CXCL13: variants seen among roughly 807,000 people sequenced by gnomAD.
CXCL13 encodes the protein C-X-C motif chemokine 13.
Under a neutral mutation model 12.2 loss-of-function variants are expected in CXCL13, and 7 were observed. That is an observed-to-expected ratio of 0.57 (90% confidence interval 0.33 to 1.07). The LOEUF (loss-of-function observed/expected upper bound fraction) is 1.07, where lower values mean the gene tolerates loss of function less well. CXCL13 is among the 50% of genes least tolerant of loss of function. The pLI, the probability that CXCL13 is intolerant of heterozygous loss-of-function variation, is 0.04. For missense variants in CXCL13, 113 were observed against 127.4 expected, an observed-to-expected ratio of 0.89 and a Z score of 0.55; for synonymous variants, 47 against 42.4, an observed-to-expected ratio of 1.11 and a Z score of -0.42.
chr4:77,544,848 T>C (rs949443743), intron 1 of CXCL13, among the ~76,000 whole-genome samples: 2 of 152,214 alleles, frequency 1.3e-5, no homozygotes, highest in African/African-American at 4.8e-5. Context: ...TGGTATTGCC[T>C]AGGTTTTCTT....
intron 1 of CXCL13, among the ~76,000 whole-genome samples, chr4:77,577,959 T>C (rs1726233950): frequency 6.6e-6 from 1 of 152,176 alleles, no homozygotes; most frequent in African/African-American, 2.4e-5. Flanking sequence ...TAGGTAATCA[T>C]GTCTCCATAC....
chr4:77,535,718 A>G (rs1273437502), intron 1 of CXCL13, among the ~76,000 whole-genome samples: 1 of 152,196 alleles, frequency 6.6e-6, no homozygotes, highest in Non-Finnish European at 1.5e-5. Context: ...GGCTAGCCAT[A>G]GATGTTTTGA....
intron 1 of CXCL13, among the ~76,000 whole-genome samples, chr4:77,583,176 A>G (rs912631062): frequency 1.4e-4 from 21 of 152,294 alleles, no homozygotes; most frequent in African/African-American, 4.1e-4. Context: ...GAAAGCTTCT[A>G]CTTTAATCCC....
At chr4:77,562,938 C>T (rs545881851) in intron 1 of CXCL13, among the ~76,000 whole-genome samples, 1 of 152,292 alleles carries the variant, frequency 6.6e-6, no homozygotes, top group East Asian at 1.9e-4. Context: ...TAAAAGCAGG[C>T]TGCCAGAGCC....
rs1388245686 is a variant in CXCL13, at chr4:77,582,407, G to A, written c.-42-23417G>A. Among the ~76,000 whole-genome samples the A allele has an allele frequency of 2.0e-5, 3 of 152,224 alleles. No individual in the cohort carries two copies. In the East Asian group the frequency reaches 5.8e-4, roughly 29 times the overall value. ...GTGACCTAGATCGGGTAGGCAGTGG[G>A]ATCAGGGGAGACATTCCTGGGGAAT... On this transcript the variant is annotated intron_variant, in intron 1 of 4. Transcript: ENST00000286758.
chr4:77,541,795 A>G (rs1247668414), intron 1 of CXCL13, among the ~76,000 whole-genome samples: 1 of 152,156 alleles, frequency 6.6e-6, no homozygotes, highest in Non-Finnish European at 1.5e-5. Context: ...GAATCTGTAC[A>G]TTGCTTTGTG....
intron 1 of CXCL13, among the ~76,000 whole-genome samples, chr4:77,569,377 G>A (rs1384223339): frequency 6.6e-6 from 1 of 152,144 alleles, no homozygotes; most frequent in Non-Finnish European, 1.5e-5. Context: ...CATAATCTCA[G>A]CCCAAAAGCT....
chr4:77,528,359 T>C (rs1724820232), intron 1 of CXCL13, among the ~76,000 whole-genome samples: 1 of 152,208 alleles, frequency 6.6e-6, no homozygotes. Flanking sequence ...CCACACTGAC[T>C]TCCACAATGG....
rs563149625 is a variant in CXCL13 at position 77,558,628 on chromosome 4, C to T, written c.-43+46840C>T. Among the ~76,000 whole-genome samples, 153 of 152,296 alleles carry T rather than the reference C, an allele frequency of 1.0e-3. 1 individual carries two copies. The highest frequency in any genetic ancestry group is 1.7e-3 in the Non-Finnish European group (113 of 68,026). On this transcript the variant is annotated intron_variant, in intron 1 of 4. Transcript: ENST00000286758. ...TTGGCCTTCCAAAGTGCTGGAATTACAGGAATGCGCCACCGCACTCAGCTG... is the reference window on the plus strand; with the variant it reads ...TTGGCCTTCCAAAGTGCTGGAATTATAGGAATGCGCCACCGCACTCAGCTG...
chr4:77,559,393 G>T (rs1182836046), intron 1 of CXCL13, among the ~76,000 whole-genome samples: 1 of 152,200 alleles, frequency 6.6e-6, no homozygotes, highest in Non-Finnish European at 1.5e-5. Context: ...TAATTGGGGT[G>T]AGAAGGCTGA....
intron 1 of CXCL13, among the ~76,000 whole-genome samples, chr4:77,545,106 ATC>A (rs1725321255): frequency 6.6e-6 from 1 of 151,908 alleles, no homozygotes; most frequent in Non-Finnish European, 1.5e-5. Context: ...ACTGGTCTAT[ATC>A]TCTGTTTTGG....
At chr4:77,568,809 C>A (rs556236559) in intron 1 of CXCL13, among the ~76,000 whole-genome samples, 3 of 152,276 alleles carry the variant, frequency 2.0e-5, no homozygotes, top group African/African-American at 7.2e-5. Context: ...GGGTTACAGT[C>A]CCACCCTAGG....
At chr4:77,585,837 G>A (rs749816723) in intron 1 of CXCL13, among the ~76,000 whole-genome samples, 6 of 150,556 alleles carry the variant, frequency 4.0e-5, no homozygotes, top group Admixed American at 2.0e-4. Flanking sequence ...TAGGGCACGC[G>A]GCAGGCCTCA....
intron 1 of CXCL13, among the ~76,000 whole-genome samples, chr4:77,540,147 C>G (rs1213706210): frequency 6.6e-6 from 1 of 152,032 alleles, no homozygotes; most frequent in Non-Finnish European, 1.5e-5. Flanking sequence ...TGCCAGATAC[C>G]TAAGGTATCT....
chr4:77,567,208 C>T lies in CXCL13; in HGVS notation c.-42-38616C>T, dbSNP rs556381866. Among the ~76,000 whole-genome samples the T allele has an allele frequency of 3.9e-5, 6 of 152,288 alleles. No homozygotes were observed. In the South Asian group the frequency reaches 1.0e-3, roughly 26 times the overall value. ...CCCCCTGCCCACAAAAAAATTGCTCCTAACTCCACCGCCTATCCCAAACCT... is the reference window on the plus strand; with the variant it reads ...CCCCCTGCCCACAAAAAAATTGCTCTTAACTCCACCGCCTATCCCAAACCT... On this transcript the variant is annotated intron_variant, in intron 1 of 4. Coordinates refer to the CXCL13 transcript ENST00000286758.
chr4:77,535,706 G>A (rs1296989497), intron 1 of CXCL13, among the ~76,000 whole-genome samples: 2 of 152,190 alleles, frequency 1.3e-5, no homozygotes, highest in Admixed American at 6.5e-5. Flanking sequence ...GCTACATGGA[G>A]AGGCTAGCCA....
At chr4:77,558,048 A>T (rs1338156727) in intron 1 of CXCL13, among the ~76,000 whole-genome samples, 2 of 152,200 alleles carry the variant, frequency 1.3e-5, no homozygotes, top group Non-Finnish European at 2.9e-5. Flanking sequence ...AGAGTCTCCC[A>T]AACTGCTAAA....
intron 1 of CXCL13, among the ~76,000 whole-genome samples, chr4:77,599,316 A>G (rs756579619): frequency 6.6e-6 from 1 of 152,218 alleles, no homozygotes; most frequent in Non-Finnish European, 1.5e-5. Flanking sequence ...TAACCTGTGC[A>G]CATCCTCCTG....
At chr4:77,559,522 T>C (rs974693279) in intron 1 of CXCL13, among the ~76,000 whole-genome samples, 1 of 151,766 alleles carries the variant, frequency 6.6e-6, no homozygotes, top group Admixed American at 6.6e-5. Context: ...CTGGGGAGAG[T>C]TTGAACACAT....
Sources: allele counts gnomAD v4.1 joint callset (sites outside exome capture counted in the v4.1 genomes callset), GRCh38; gene constraint gnomAD v4.1.1; transcripts MANE v1.5; gene names NCBI Gene and HGNC (gene_info 2026-07-23, HGNC 2026-07-21).